The following ELFN2 variants were observed in gnomAD, a reference collection of about 807,000 sequenced individuals.
ELFN2 encodes the protein extracellular leucine rich repeat and fibronectin type III domain containing 2, also known as protein phosphatase 1 regulatory subunit 29.
A neutral mutation model predicts 45.5 loss-of-function variants in ELFN2; 17 were observed. The ratio of observed to expected loss-of-function variants is 0.37; its 90% confidence interval spans 0.26 to 0.56. ELFN2 has a LOEUF of 0.56. Ranked by LOEUF, ELFN2 falls within the 20% of genes least tolerant of loss-of-function variation. The pLI is 0.77. For synonymous variants in ELFN2, 550 were observed against 551.5 expected (o/e 1.00, Z 0.04); for missense variants, 922 against 1,183.2 (o/e 0.78, Z 3.24).
chr22:37,391,685 T>C (rs1377790234), intron 2 of ELFN2, among the ~76,000 whole-genome samples: 1 of 152,148 alleles, frequency 6.6e-6, no homozygotes, highest in Non-Finnish European at 1.5e-5. Context: ...AGGCCAGGCA[T>C]AGGTGAAGGG....
In ELFN2 at chr22:37,373,015, TC is replaced by T; in HGVS notation, c.*56del. On this transcript the variant is annotated 3_prime_UTR_variant, in exon 3 of 3. Coordinates refer to ENST00000402918, the MANE Select transcript of ELFN2 (RefSeq NM_052906.5). ...TCCCCGCCCTGGCCGCCTGGACCCT[TC>T]CCCCAAAAGGCCCCCAGCCCTCTGG... 1.3e-6 allele frequency: 2 copies of T among 1,524,654 alleles called. No homozygotes were observed. The highest frequency in any genetic ancestry group is 8.8e-7 in the Non-Finnish European group (1 of 1,137,246). The allele number at this position is 1,524,654 out of a possible 1,614,324, so 94.4% of individuals were successfully genotyped here. A position where few individuals can be genotyped will look rare whatever the true frequency, so the allele number is the denominator to read the frequency against.
intron 2 of ELFN2, among the ~76,000 whole-genome samples, chr22:37,406,886 G>A (rs1283775534): frequency 3.3e-5 from 5 of 152,180 alleles, no homozygotes; most frequent in South Asian, 2.1e-4. Flanking sequence ...AGAGTCCACT[G>A]GGCAAAGCAG....
intron 2 of ELFN2, among the ~76,000 whole-genome samples, chr22:37,415,359 C>T (rs538588826): frequency 6.6e-6 from 1 of 152,352 alleles, no homozygotes; most frequent in Non-Finnish European, 1.5e-5. Context: ...AGACCAGTGG[C>T]CAGGGGCTCA....
At chr22:37,365,926 G>A (rs538881217), downstream of ELFN2, among the ~76,000 whole-genome samples, 4 of 152,114 alleles carry the variant, frequency 2.6e-5, no homozygotes, top group African/African-American at 9.6e-5. Context: ...AGCGTTTCAG[G>A]TATTTGCGAA....
intron 2 of ELFN2, among the ~76,000 whole-genome samples, chr22:37,405,065 G>T (rs1569141258): frequency 6.9e-6 from 1 of 144,662 alleles, no homozygotes; most frequent in African/African-American, 2.5e-5. Context: ...CCAGGGCAAG[G>T]CCCCTCACCT....
chr22:37,374,252 T>A lies in ELFN2; in HGVS notation c.1283A>T (p.Lys428Met). 1 of 1,614,008 alleles carries A rather than the reference T, an allele frequency of 6.2e-7. No homozygotes were observed. Among genetic ancestry groups the A allele is most frequent in the Non-Finnish European group, 8.5e-7 (1 of 1,180,032 alleles). ...CTTCTTGACGTTGACAGACTTCTGC[T>A]TCTCCTCCTGCATGCGCCGCTTGCG... ...CLRKRRMQEE[K>M]QKSVNVKKTI... is the part of the protein sequence containing the mutation. Residue 428 changes from lysine (K) to methionine (M), a missense_variant, in exon 3 of 3, where the codon AAG becomes ATG. This residue lies in a region of ELFN2 where 564 missense variants were observed against 642.8 expected (regional missense o/e 0.88). Transcript: ENST00000402918.
At chr22:37,356,960 C>A (rs1456735440) in intron 1 of ELFN2, among the ~76,000 whole-genome samples, 2 of 152,190 alleles carry the variant, frequency 1.3e-5, no homozygotes, top group Non-Finnish European at 2.9e-5. Flanking sequence ...GGCAGAGGAA[C>A]AAATAACAGA....
At chr22:37,364,395 G>C (rs1361842426), downstream of ELFN2, among the ~76,000 whole-genome samples, 1 of 152,218 alleles carries the variant, frequency 6.6e-6, no homozygotes, top group East Asian at 1.9e-4. Context: ...CAGAGCAAGA[G>C]AGAGACTGGC....
At chr22:37,424,707 A>G (rs1216401818) in intron 1 of ELFN2, among the ~76,000 whole-genome samples, 1 of 151,894 alleles carries the variant, frequency 6.6e-6, no homozygotes, top group Non-Finnish European at 1.5e-5. Flanking sequence ...TTCACATTAA[A>G]TCAACAGACA....
intron 1 of ELFN2, among the ~76,000 whole-genome samples, chr22:37,346,883 G>A (rs1930710125): frequency 6.6e-6 from 1 of 152,060 alleles, no homozygotes; most frequent in African/African-American, 2.4e-5. Context: ...CCTCAGCAGT[G>A]CAGAGACAGG....
chr22:37,382,294 CT>C (rs11357026), intron 2 of ELFN2, among the ~76,000 whole-genome samples: 106,214 of 151,286 alleles, frequency 0.7, 37,358 homozygotes, highest in Admixed American at 0.79. Context: ...ACTGGTTCTC[CT>C]TTTTTTTTTC....
intron 1 of ELFN2, among the ~76,000 whole-genome samples, chr22:37,426,672 C>A (rs931115008): frequency 2.7e-5 from 4 of 150,918 alleles, no homozygotes; most frequent in Non-Finnish European, 5.9e-5. Context: ...CACACACACC[C>A]GGCAGTGGCC....
chr22:37,423,051 G>A (rs1332339524), intron 1 of ELFN2, among the ~76,000 whole-genome samples: 1 of 151,992 alleles, frequency 6.6e-6, no homozygotes, highest in African/African-American at 2.4e-5. Context: ...GCCAGGTGGG[G>A]AGTCCAGGGG....
chr22:37,374,114 G>T lies in ELFN2; in HGVS notation c.1421C>A (p.Pro474His), dbSNP rs201382396. 1.5e-4 allele frequency: 239 copies of T among 1,613,118 alleles called. 1 individual carries two copies. The Middle Eastern group carries it at 1.6e-3, about 11-fold the overall frequency. ...GGGCAGCTTCTCCCCGATCATGGAG[G>T]GGATGGAGGCCATGCGAGATACGGG... ...VLPVSRMASI[P>H]SMIGEKLPTA... Residue 474 changes from proline (P) to histidine (H), a missense_variant, in exon 3 of 3, where the codon CCC (proline) becomes CAC (histidine). This residue lies in a region of ELFN2 where 564 missense variants were observed against 642.8 expected (regional missense o/e 0.88). Coordinates refer to ENST00000402918, the MANE Select transcript of ELFN2 (RefSeq NM_052906.5).
chr22:37,397,771 A>G (rs1601760645), intron 2 of ELFN2, among the ~76,000 whole-genome samples: 3 of 149,440 alleles, frequency 2.0e-5, no homozygotes, highest in Non-Finnish European at 3.0e-5. Context: ...TGGATCCAGG[A>G]GCTTCCTAAG....
intron 2 of ELFN2, among the ~76,000 whole-genome samples, chr22:37,388,982 T>C (rs1932027205): frequency 6.6e-6 from 1 of 152,186 alleles, no homozygotes; most frequent in Admixed American, 6.5e-5. Context: ...AGGAACTCTT[T>C]CAGGGGGAGG....
Position 37,362,474 on chromosome 22 carries a change from C to T in ELFN2, n.149-19771G>A, listed in dbSNP as rs969792253. On this transcript the variant is annotated intron_variant and non_coding_transcript_variant, in intron 1 of 2. Transcript: ENST00000452946. ...GAACCAGAATTTTAGCAACAAGACA[C>T]GAGATGCAGGGGTTGACAGGGCCGG... is the stretch of plus-strand genomic sequence containing the variant. Among the ~76,000 whole-genome samples, 9 of 152,200 alleles carry T rather than the reference C, an allele frequency of 5.9e-5. No individual in the cohort carries two copies. In the East Asian group the frequency reaches 1.3e-3, roughly 23 times the overall value.
chr22:37,394,421 G>A (rs969461119), intron 2 of ELFN2, among the ~76,000 whole-genome samples: 10 of 152,126 alleles, frequency 6.6e-5, no homozygotes, highest in African/African-American at 1.9e-4. Flanking sequence ...AAAGCCAGAC[G>A]TCCTCCTGAA....
chr22:37,410,500 G>A (rs764068930), intron 2 of ELFN2, among the ~76,000 whole-genome samples: 33 of 152,034 alleles, frequency 2.2e-4, no homozygotes, highest in African/African-American at 4.1e-4. Flanking sequence ...TTGAGCCCCC[G>A]CTTCCCCTCT....
Sources: allele counts gnomAD v4.1 joint callset (sites outside exome capture counted in the v4.1 genomes callset), GRCh38; gene constraint gnomAD v4.1.1; regional missense constraint gnomAD v4.1.1; transcripts MANE v1.5; gene names NCBI Gene and HGNC (gene_info 2026-07-23, HGNC 2026-07-21).